The following EPPK1 variants were observed in gnomAD, a reference collection of about 807,000 sequenced individuals.
EPPK1 encodes the protein epiplakin.
For missense variants in EPPK1, 3,823 were observed against 3,673.3 expected (o/e 1.04, Z -1.05); for synonymous variants, 1,862 against 1,721.2 (o/e 1.08, Z -2.03).
At position 143,857,748 on chromosome 8, in the gene EPPK1, A is replaced by T. The variant is rs1818920179; in HGVS notation, c.*239T>A. ...TGAAAACGAAAAAGGAGAGAAAAGT[A>T]AAACCATATGACACATAGACGACCC... On this transcript the variant is annotated 3_prime_UTR_variant, in exon 2 of 2. Coordinates refer to ENST00000615648, the MANE Select transcript of EPPK1 (RefSeq NM_031308.4). The T allele has an allele frequency of 3.0e-5, 13 of 426,282 alleles. No homozygotes were observed. The South Asian group carries it at 9.6e-4, about 31-fold the overall frequency. 26.4% of individuals were successfully genotyped at this position (426,282 alleles called of 1,614,324 possible).
At chr8:143,878,480 C>G, upstream of EPPK1, 1 of 148,566 alleles carries the variant, frequency 6.7e-6, no homozygotes, top group Non-Finnish European at 1.5e-5. Context: ...CGCGCGCCCG[C>G]TCCGCCCGCA....
At position 143,872,303 on chromosome 8, in the gene EPPK1, T is replaced by A; in HGVS notation, c.951A>T (p.Pro317=). ...GGGTGGCAGCCTGGGCCTCTAGGAG[T>A]GGCAGCGCGGTGCCCATTGGGAGCA... ...EHLLPMGTAL[P]LLEAQAATHT... The change falls in exon 2 of 2, where the codon CCA becomes CCT. Residue 317 remains proline, a synonymous_variant. Coordinates refer to ENST00000615648, the MANE Select transcript of EPPK1 (RefSeq NM_031308.4). The A allele has an allele frequency of 6.2e-7, 1 of 1,600,484 alleles. No individual in the cohort carries two copies. Among genetic ancestry groups the A allele is most frequent in the Non-Finnish European group, 8.5e-7 (1 of 1,173,246 alleles).
At position 143,857,956 on chromosome 8, in the gene EPPK1, A is replaced by T. The variant is rs1563873611; in HGVS notation, c.*31T>A. 2.2e-6 allele frequency: 3 copies of T among 1,344,272 alleles called. No individual in the cohort carries two copies. The highest frequency in any genetic ancestry group is 3.1e-6 in the Non-Finnish European group (3 of 980,182). 83.3% of individuals were successfully genotyped at this position (1,344,272 alleles called of 1,614,324 possible). Reference sequence around the variant, plus strand: ...CACAAGTATGCCTCCACTTCTCCAGAGTTGCAGAAAACTGCACGGAGGAAG... The same window carrying T: ...CACAAGTATGCCTCCACTTCTCCAGTGTTGCAGAAAACTGCACGGAGGAAG... On this transcript the variant is annotated 3_prime_UTR_variant, in exon 2 of 2. Coordinates refer to ENST00000615648, the MANE Select transcript of EPPK1 (RefSeq NM_031308.4).
In EPPK1 at chr8:143,868,984, C is replaced by G; in HGVS notation, c.4270G>C (p.Asp1424His). The change falls in exon 2 of 2, where the codon GAC becomes CAC. Residue 1424 changes from aspartate to histidine, a missense_variant. By Grantham distance (81) the Asp-to-His change is moderately conservative. Coordinates refer to ENST00000615648, the MANE Select transcript of EPPK1 (RefSeq NM_031308.4). The part of the protein sequence containing the change: ...YQQLRERCVC[D>H]SETGLLLLPL... ...AACAGCAACAATCCGGTCTCGGAGT[C>G]GCACACGCAGCGCTCCCTGAGCTGC... 1 of 1,610,214 alleles carries G rather than the reference C, an allele frequency of 6.2e-7. No individual in the cohort carries two copies. The highest frequency in any genetic ancestry group is 8.5e-7 in the Non-Finnish European group (1 of 1,179,834).
Position 143,872,541 on chromosome 8 carries a change from A to G in EPPK1, c.713T>C (p.Met238Thr). ...CTCAGCTGCACTCACCGCCCCGCCC[A>G]TGGAGCGGAAGGTGATCTTGAGGGG... ...LLPLKITFRS[M>T]GGAVSAAELL... Residue 238 changes from methionine to threonine, a missense_variant, in exon 2 of 2, where the codon ATG (methionine) becomes ACG (threonine). Physicochemically the swap from Met to Thr is moderately conservative, Grantham distance 81. Coordinates refer to ENST00000615648, the MANE Select transcript of EPPK1 (RefSeq NM_031308.4). 1 of 1,604,782 alleles carries G rather than the reference A, an allele frequency of 6.2e-7. No individual in the cohort carries two copies. The highest frequency in any genetic ancestry group is 8.5e-7 in the Non-Finnish European group (1 of 1,178,250).
In EPPK1 at chr8:143,876,107, C is replaced by T. The variant is rs115844927; in HGVS notation, c.-46+2331G>A. Among the ~76,000 whole-genome samples the T allele has an allele frequency of 4.7e-3, 722 of 152,334 alleles. 9 individuals are homozygous for T. The highest frequency in any genetic ancestry group is 0.017 in the African/African-American group (695 of 41,572). ...AAGGCTATGCTGCTCCCAGGCCCAT[C>T]ATGTCCCAGGAGCAAGCAGCCAGGA... On this transcript the variant is annotated intron_variant, in intron 1 of 1. Coordinates refer to ENST00000615648, the MANE Select transcript of EPPK1 (RefSeq NM_031308.4).
Position 143,867,281 on chromosome 8 carries a change from C to T in EPPK1, c.5973G>A (p.Gln1991=). The T allele has an allele frequency of 1.2e-6, 2 of 1,612,468 alleles. No homozygotes were observed. Among genetic ancestry groups the T allele is most frequent in the Non-Finnish European group, 1.7e-6 (2 of 1,179,610 alleles). ...PATGDTIPLF[Q]AMQKQLIEKA... The stretch of plus-strand genomic sequence containing the variant: ...TCTCGATGAGCTGCTTCTGCATGGC[C>T]TGGAACAGCGGGATCGTGTCTCCTG... Residue 1991 remains glutamine, a synonymous_variant, in exon 2 of 2, where the codon CAG becomes CAA. Transcript: ENST00000615648.
In EPPK1 at chr8:143,858,099, T is replaced by G; in HGVS notation, c.15155A>C (p.Lys5052Thr). 17 of 1,613,530 alleles carry G rather than the reference T, an allele frequency of 1.1e-5. No homozygotes were observed. The highest frequency in any genetic ancestry group is 1.4e-5 in the Non-Finnish European group (16 of 1,180,030). Residue 5052 changes from lysine (K) to threonine (T), a missense_variant, in exon 2 of 2, where the codon AAG becomes ACG. Transcript: ENST00000615648. ...GTGCGTGTTGGGGTCGAAGAAGCCC[T>G]TGGTGTCGTCGCTGGGGTCGGCCAG... ...RVLADPSDDT[K>T]GFFDPNTHEN...
Position 143,868,405 on chromosome 8 carries a change from G to T in EPPK1, c.4849C>A (p.Pro1617Thr), listed in dbSNP as rs1554659925. The change falls in exon 2 of 2, where the codon CCC (proline) becomes ACC (threonine). Residue 1617 changes from proline to threonine, a missense_variant. Coordinates refer to ENST00000615648, the MANE Select transcript of EPPK1 (RefSeq NM_031308.4). ...AQAATGFIID[P>T]VENRKLTVEE... ...ACGGTCAGCTTCCGGTTCTCCACGG[G>T]GTCGATGATGAAGCCGGTAGCTGCC... The T allele has an allele frequency of 1.9e-6, 3 of 1,612,634 alleles. 1 individual carries two copies. The highest frequency in any genetic ancestry group is 2.2e-5 in the South Asian group (2 of 91,078).
At chr8:143,873,395 G>T in intron 1 of EPPK1, 97 bp from the exon 2 acceptor site, 1 of 880,786 alleles carries the variant, frequency 1.1e-6, no homozygotes, top group Non-Finnish European at 1.6e-6. Flanking sequence ...GTCCCGGGCT[G>T]GGCTCCACCC....
At position 143,868,998 on chromosome 8, in the gene EPPK1, T is replaced by C; in HGVS notation, c.4256A>G (p.Glu1419Gly). 6.2e-7 allele frequency: 1 copy of C among 1,610,248 alleles called. No individual in the cohort carries two copies. The highest frequency in any genetic ancestry group is 8.5e-7 in the Non-Finnish European group (1 of 1,179,828). ...GGTCTCGGAGTCGCACACGCAGCGC[T>C]CCCTGAGCTGCTGGTAGGTCACCTG... Reference protein sequence around the residue: ...RDQVTYQQLRERCVCDSETGL... With the variant: ...RDQVTYQQLRGRCVCDSETGL... Residue 1419 changes from glutamate to glycine, a missense_variant, in exon 2 of 2, where the codon GAG becomes GGG. By Grantham distance (98) the Glu-to-Gly change is moderately conservative. Transcript: ENST00000615648.
rs782211466 is a variant in EPPK1, at chr8:143,873,226, G to A, written c.28C>T (p.Pro10Ser). Residue 10 changes from proline to serine, a missense_variant, in exon 2 of 2, where the codon CCC becomes TCC. Transcript: ENST00000615648. ...TCTGTGCTGTTGGTGCCTGGGACGG[G>A]AAGAGGAGGCAAGGTGTGGCCACTC... MSGHTLPPL[P>S]VPGTNSTEQA... 7.0e-6 allele frequency: 11 copies of A among 1,575,526 alleles called. No individual in the cohort carries two copies. The highest frequency in any genetic ancestry group is 1.4e-5 in the African/African-American group (1 of 73,490).
rs1181738485 is a variant in EPPK1, at chr8:143,866,446, C to T, written c.6808G>A (p.Gly2270Ser). 1,493 of 1,393,446 alleles carry T rather than the reference C, an allele frequency of 1.1e-3. 8 individuals are homozygous for T. Among genetic ancestry groups the T allele is most frequent in the Admixed American group, 9.0e-4 (39 of 43,122 alleles). 86.3% of individuals were successfully genotyped at this position (1,393,446 alleles called of 1,614,324 possible). ...LVLLEAQAAT[G>S]FVIDPVRNLR... ...TTGCGCACGGGGTCGATGACGAAGC[C>T]GGTGGCCGCCTGCGCCTCCAGCAGC... The change falls in exon 2 of 2, where the codon GGC becomes AGC. Residue 2270 changes from glycine to serine, a missense_variant. Physicochemically the swap from Gly to Ser is moderately conservative, Grantham distance 56. Coordinates refer to ENST00000615648, the MANE Select transcript of EPPK1 (RefSeq NM_031308.4).
In EPPK1 at chr8:143,868,195, T is replaced by C. The variant is rs558983192; in HGVS notation, c.5059A>G (p.Thr1687Ala). ...GIRLLEAQIA[T>A]GGIIDPVHSH... ...TGCACGGGGTCGATGATGCCGCCCGTGGCGATCTGGGCCTCCAGCAGGCGG... is the reference window on the plus strand; with the variant it reads ...TGCACGGGGTCGATGATGCCGCCCGCGGCGATCTGGGCCTCCAGCAGGCGG... The change falls in exon 2 of 2, where the codon ACG (threonine) becomes GCG (alanine). Residue 1687 changes from threonine (T) to alanine (A), a missense_variant. Coordinates refer to ENST00000615648, the MANE Select transcript of EPPK1 (RefSeq NM_031308.4). 3 of 1,613,074 alleles carry C rather than the reference T, an allele frequency of 1.9e-6. No homozygotes were observed. Among genetic ancestry groups the C allele is most frequent in the Non-Finnish European group, 1.7e-6 (2 of 1,179,990 alleles).
intron 1 of EPPK1, among the ~76,000 whole-genome samples, chr8:143,877,613 C>G (rs901874679): frequency 5.3e-5 from 8 of 152,128 alleles, no homozygotes; most frequent in Admixed American, 2.0e-4. Flanking sequence ...CAGCCTGGGA[C>G]AAAGGTTGGG....
intron 1 of EPPK1, among the ~76,000 whole-genome samples, chr8:143,876,485 A>G (rs782562968): frequency 6.6e-6 from 1 of 152,260 alleles, no homozygotes; most frequent in South Asian, 2.1e-4. Context: ...TGGGGGGTAC[A>G]TGAGACGGCA....
In EPPK1 at chr8:143,867,899, G is replaced by C; in HGVS notation, c.5355C>G (p.Arg1785=). Residue 1785 remains arginine (R), a synonymous_variant, in exon 2 of 2, where the codon CGC becomes CGG. Coordinates refer to ENST00000615648, the MANE Select transcript of EPPK1 (RefSeq NM_031308.4). Reference sequence around the variant, plus strand: ...CCACCTGGTCAGCAAACCTCCCCACGCGCATTTTTGCAGTTCTGGATTGCA... The same window carrying C: ...CCACCTGGTCAGCAAACCTCCCCACCCGCATTTTTGCAGTTCTGGATTGCA... ...HVLQSRTAKM[R]VGRFADQVVS... 1 of 1,613,388 alleles carries C rather than the reference G, an allele frequency of 6.2e-7. No homozygotes were observed. The highest frequency in any genetic ancestry group is 1.3e-5 in the African/African-American group (1 of 75,004).
In EPPK1 at chr8:143,866,567, G is replaced by A. The variant is rs1819112868; in HGVS notation, c.6687C>T (p.Val2229=). ...YLEGTSCIAG[V]LVPAKDQPGR... Reference sequence around the variant, plus strand: ...CGGGCTGGTCCTTGGCGGGCACCAGGACGCCCGCGATGCAGCTGGTGCCCT... The same window carrying A: ...CGGGCTGGTCCTTGGCGGGCACCAGAACGCCCGCGATGCAGCTGGTGCCCT... Residue 2229 remains valine (V), a synonymous_variant, in exon 2 of 2, where the codon GTC becomes GTT. Coordinates refer to ENST00000615648, the MANE Select transcript of EPPK1 (RefSeq NM_031308.4). The A allele has an allele frequency of 1.2e-6, 2 of 1,609,364 alleles. No homozygotes were observed. Among genetic ancestry groups the A allele is most frequent in the Non-Finnish European group, 1.7e-6 (2 of 1,178,408 alleles).
In EPPK1 at chr8:143,872,621, G is replaced by A. The variant is rs1819393001; in HGVS notation, c.633C>T (p.Tyr211=). 2 of 1,610,110 alleles carry A rather than the reference G, an allele frequency of 1.2e-6. No homozygotes were observed. The highest frequency in any genetic ancestry group is 1.7e-6 in the Non-Finnish European group (2 of 1,179,548). The change falls in exon 2 of 2, where the codon TAC becomes TAT. Residue 211 remains tyrosine (Y), a synonymous_variant. Transcript: ENST00000615648. ...LDPNTLERLT[Y]HQLLERCVRA... Reference sequence around the variant, plus strand: ...GCACACACCTTTCCAGCAGCTGGTGGTATGTCAGCCGCTCCAGCGTGTTGG... The same window carrying A: ...GCACACACCTTTCCAGCAGCTGGTGATATGTCAGCCGCTCCAGCGTGTTGG...
Sources: allele counts gnomAD v4.1 joint callset (sites outside exome capture counted in the v4.1 genomes callset), GRCh38; gene constraint gnomAD v4.1.1; transcripts MANE v1.5; gene names NCBI Gene and HGNC (gene_info 2026-07-23, HGNC 2026-07-21).